ZEB2: variants seen among roughly 807,000 people sequenced by gnomAD.
The protein encoded by ZEB2 is zinc finger E-box binding homeobox 2.
In ZEB2, 6 loss-of-function variants were observed where a neutral mutation model predicts 99.9. That is an observed-to-expected ratio of 0.06 (90% CI 0.03 to 0.12). The LOEUF (loss-of-function observed/expected upper bound fraction) is 0.12, where lower values mean the gene tolerates loss of function less well. Among genes scored for constraint, ZEB2 ranks in the 10% least tolerant of loss-of-function variants. ZEB2 has a pLI of 1.00. For missense variants in ZEB2, 969 were observed against 1,502.8 expected (o/e 0.64, Z 5.87); for synonymous variants, 517 against 542.5 (o/e 0.95, Z 0.65).
intron 4 of ZEB2, among the ~76,000 whole-genome samples, chr2:144,423,486 T>C (rs1339969262): frequency 2.6e-5 from 4 of 152,232 alleles, no homozygotes; most frequent in Admixed American, 2.6e-4. Flanking sequence ...AGAAGTATTA[T>C]TATCAAGAAA....
intron 2 of ZEB2, among the ~76,000 whole-genome samples, chr2:144,487,771 A>G (rs1345188641): frequency 6.6e-6 from 1 of 152,230 alleles, no homozygotes; most frequent in Admixed American, 6.5e-5. Context: ...AAGCTACCAA[A>G]TGATTAAAAT....
intron 9 of ZEB2, among the ~76,000 whole-genome samples, chr2:144,395,892 C>G (rs934556385): frequency 2.6e-5 from 4 of 151,928 alleles, no homozygotes; most frequent in Admixed American, 6.6e-5. Flanking sequence ...AGTAGCTCAT[C>G]TGATCTATTA....
chr2:144,402,646 C>T (rs1348519806), intron 6 of ZEB2, among the ~76,000 whole-genome samples: 1 of 152,168 alleles, frequency 6.6e-6, no homozygotes, highest in African/African-American at 2.4e-5. Flanking sequence ...ATTCATAATG[C>T]GCCAACACAA....
At chr2:144,406,436 AG>A (rs1410407659) in intron 4 of ZEB2, among the ~76,000 whole-genome samples, 1 of 152,260 alleles carries the variant, frequency 6.6e-6, no homozygotes, top group Non-Finnish European at 1.5e-5. Flanking sequence ...GTATAAAAAA[AG>A]TAACACAGGA....
chr2:144,447,214 C>A lies in ZEB2; in HGVS notation c.74-17188G>T, dbSNP rs551369133. 9.2e-5 allele frequency among the ~76,000 whole-genome samples: 14 copies of A among 152,176 alleles called. No homozygotes were observed. In the East Asian group the frequency reaches 2.7e-3, roughly 29 times the overall value. On this transcript the variant is annotated intron_variant, in intron 2 of 9. Coordinates refer to ENST00000627532, the MANE Select transcript of ZEB2 (RefSeq NM_014795.4). ...CTGCTAAGTACTTGGTCGGTAATAG[C>A]CTTTACTGTATAAATAAGAGGGTTC...
intron 2 of ZEB2, among the ~76,000 whole-genome samples, chr2:144,447,494 T>C (rs936858736): frequency 3.3e-5 from 5 of 152,230 alleles, no homozygotes; most frequent in Non-Finnish European, 4.4e-5. Context: ...CATCCCCCAG[T>C]TACTCCCATC....
At chr2:144,474,269 G>A (rs192322024) in intron 2 of ZEB2, among the ~76,000 whole-genome samples, 38 of 152,282 alleles carry the variant, frequency 2.5e-4, no homozygotes, top group African/African-American at 8.2e-4. Context: ...CTGGCCTGGA[G>A]GTGGGTCGCC....
chr2:144,409,700 G>T (rs1011644679), intron 4 of ZEB2, among the ~76,000 whole-genome samples: 4 of 152,042 alleles, frequency 2.6e-5, no homozygotes, highest in Admixed American at 2.6e-4. Context: ...AGAATATCTA[G>T]CTTGGGCAAC....
rs977011675 is a variant in ZEB2, at chr2:144,384,128, C to A, written c.*5323G>T. Reference sequence around the variant, plus strand: ...TCATGTATTTTTTACTCATCATTTTCTTTGACTAAAATTATTAGAATCTTT... The same window carrying A: ...TCATGTATTTTTTACTCATCATTTTATTTGACTAAAATTATTAGAATCTTT... On this transcript the variant is annotated 3_prime_UTR_variant, in exon 10 of 10. Transcript: ENST00000627532. 6 of 152,160 alleles carry A rather than the reference C, an allele frequency of 3.9e-5. No individual in the cohort carries two copies. The highest frequency in any genetic ancestry group is 1.4e-4 in the African/African-American group (6 of 41,434). The allele number at this position is 152,160 out of a possible 1,614,324, so 9.4% of individuals were successfully genotyped here. A position where few individuals can be genotyped will look rare whatever the true frequency, so the allele number is the denominator to read the frequency against.
intron 2 of ZEB2, among the ~76,000 whole-genome samples, chr2:144,487,808 T>C (rs1704619777): frequency 6.6e-6 from 1 of 152,220 alleles, no homozygotes; most frequent in African/African-American, 2.4e-5. Flanking sequence ...TAAAAAGTTA[T>C]TCTGTGAAAA....
intron 2 of ZEB2, among the ~76,000 whole-genome samples, chr2:144,464,729 C>T (rs1432181032): frequency 6.6e-6 from 1 of 152,170 alleles, no homozygotes; most frequent in Non-Finnish European, 1.5e-5. Flanking sequence ...TCACCAGTGA[C>T]ATCTTCTCAA....
In ZEB2 at chr2:144,389,382, A is replaced by G. The variant is rs1263469141; in HGVS notation, c.*69T>C. 1 of 1,552,364 alleles carries G rather than the reference A, an allele frequency of 6.4e-7. No individual in the cohort carries two copies. Among genetic ancestry groups the G allele is most frequent in the East Asian group, 2.2e-5 (1 of 44,598 alleles). ...GGCACGTGCATGAACAGCTTAACAC[A>G]GCAGTGTTTTCAAGCAGGTAACAAT... is the stretch of plus-strand genomic sequence containing the variant. On this transcript the variant is annotated 3_prime_UTR_variant, in exon 10 of 10. Coordinates refer to ENST00000627532, the MANE Select transcript of ZEB2 (RefSeq NM_014795.4). This position sits in a 1 kb window ranked among gnomAD's most constrained non-coding sequence, Gnocchi z 6.8.
intron 2 of ZEB2, among the ~76,000 whole-genome samples, chr2:144,453,484 A>G (rs1163986752): frequency 6.6e-6 from 1 of 152,224 alleles, no homozygotes; most frequent in South Asian, 2.1e-4. Context: ...AAGTTTTAGC[A>G]AACACAAAGG....
intron 2 of ZEB2, among the ~76,000 whole-genome samples, chr2:144,433,215 G>A (rs768992041): frequency 5.6e-4 from 85 of 152,114 alleles, no homozygotes; most frequent in Non-Finnish European, 8.8e-4. Context: ...CTGTCTCTGA[G>A]GCATAGCAAA....
intron 2 of ZEB2, among the ~76,000 whole-genome samples, chr2:144,487,048 C>T (rs1392444255): frequency 6.6e-6 from 1 of 152,166 alleles, no homozygotes; most frequent in Non-Finnish European, 1.5e-5. Context: ...CTTCCGTGAT[C>T]AGTTTAAACT....
At chr2:144,435,831 A>G (rs7572251) in intron 2 of ZEB2, among the ~76,000 whole-genome samples, 223 of 151,996 alleles carry the variant, frequency 1.5e-3, no homozygotes, top group African/African-American at 4.9e-3. Context: ...CAAAATTTCA[A>G]TTTCCAAGTA....
At chr2:144,421,752 C>G (rs1273255653) in intron 4 of ZEB2, among the ~76,000 whole-genome samples, 1 of 151,510 alleles carries the variant, frequency 6.6e-6, no homozygotes, top group Non-Finnish European at 1.5e-5. Flanking sequence ...AACAAATACA[C>G]TCAGTTGTAA....
At chr2:144,412,748 A>G (rs1703482915) in intron 4 of ZEB2, among the ~76,000 whole-genome samples, 9 of 152,222 alleles carry the variant, frequency 5.9e-5, no homozygotes, top group Admixed American at 5.9e-4. Context: ...TTTCCTGACT[A>G]TCTCAGCCTG....
In ZEB2 at chr2:144,517,407, A is replaced by T. The variant is rs898719711; in HGVS notation, c.-57T>A. On this transcript the variant is annotated 5_prime_UTR_variant, in exon 2 of 10. Coordinates refer to ENST00000627532, the MANE Select transcript of ZEB2 (RefSeq NM_014795.4). ...GGACTCGGCGCCCTGCTTCGGCAGCACGCAGGCTCGATCTAGCAACCAAAC... is the reference window on the plus strand; with the variant it reads ...GGACTCGGCGCCCTGCTTCGGCAGCTCGCAGGCTCGATCTAGCAACCAAAC... The T allele has an allele frequency of 3.6e-5, 57 of 1,598,824 alleles. No individual in the cohort carries two copies. The highest frequency in any genetic ancestry group is 4.5e-5 in the East Asian group (2 of 44,750).
Sources: gnomAD v4.1 joint callset for allele counts (sites outside exome capture counted in the v4.1 genomes callset) on GRCh38, gnomAD v4.1.1 for gene constraint, Gnocchi (gnomAD v3.1) non-coding constraint, MANE v1.5 for transcripts, NCBI Gene and HGNC (gene_info 2026-07-23, HGNC 2026-07-21) for gene names.